The following GABARAPL1 variants were observed in gnomAD, a reference collection of about 807,000 sequenced individuals.
GABARAPL1 encodes GABA type A receptor associated protein like 1, also known as gamma-aminobutyric acid receptor-associated protein-like 1.
A neutral mutation model predicts 14.5 loss-of-function variants in GABARAPL1; 4 were observed. That is an observed-to-expected ratio of 0.28 (90% CI 0.14 to 0.63). The LOEUF (loss-of-function observed/expected upper bound fraction) is 0.63. Among genes scored for constraint, GABARAPL1 ranks in the 30% least tolerant of loss-of-function variants. The pLI is 0.84. For missense variants in GABARAPL1, 82 were observed against 139.2 expected (o/e 0.59, Z 2.07); for synonymous variants, 47 against 50.6 (o/e 0.93, Z 0.30).
At chr12:10,213,306 A>G in intron 1 of GABARAPL1, 87 bp downstream of exon 1, 1 of 819,486 alleles carries the variant, frequency 1.2e-6, no homozygotes, top group East Asian at 2.7e-5. Flanking sequence ...TGGGGCGCCC[A>G]GGCGGCTCTG....
Position 10,222,482 on chromosome 12 carries a change from G to A in GABARAPL1, c.*630G>A, listed in dbSNP as rs866609100. 2.6e-5 allele frequency: 4 copies of A among 153,144 alleles called. No homozygotes were observed. The highest frequency in any genetic ancestry group is 9.7e-5 in the African/African-American group (4 of 41,424). The allele number at this position is 153,144 out of a possible 1,614,324, so 9.5% of individuals were successfully genotyped here. ...GGGATCTCTTACCTTTGGAAAATAGGGGTTAGGCATGAAGGTGGTTGTGAT... is the reference window on the plus strand; with the variant it reads ...GGGATCTCTTACCTTTGGAAAATAGAGGTTAGGCATGAAGGTGGTTGTGAT... On this transcript the variant is annotated 3_prime_UTR_variant, in exon 4 of 4. Transcript: ENST00000266458.
At chr12:10,213,787 A>G (rs1949072148) in intron 1 of GABARAPL1, 1 of 454,618 alleles carries the variant, frequency 2.2e-6, no homozygotes, top group African/African-American at 2.0e-5. Flanking sequence ...TGGCCTGGAA[A>G]ACAAGGTCAC....
chr12:10,213,620 G>C (rs1376162649), intron 1 of GABARAPL1: 8 of 345,712 alleles, frequency 2.3e-5, no homozygotes, highest in Non-Finnish European at 5.7e-6. Flanking sequence ...GCTGTGCGGT[G>C]AGGTTTGCGC....
intron 2 of GABARAPL1, 64 bp from the exon 3 acceptor site, chr12:10,220,376 A>T: frequency 3.1e-6 from 5 of 1,605,116 alleles, no homozygotes; most frequent in Non-Finnish European, 4.3e-6. Flanking sequence ...TCCAGGACTT[A>T]CCCTTCTACT....
At chr12:10,213,897 T>G (rs975203149) in intron 1 of GABARAPL1, 5 of 455,802 alleles carry the variant, frequency 1.1e-5, no homozygotes, top group African/African-American at 1.0e-4. Context: ...ACCTGGTACC[T>G]GGTCGCGATA....
chr12:10,220,386 T>A (rs1949113663), intron 2 of GABARAPL1, 54 bp from the exon 3 acceptor site: 1 of 1,609,616 alleles, frequency 6.2e-7, no homozygotes, highest in East Asian at 2.2e-5. Context: ...ACCCTTCTAC[T>A]AATTCCTTGT....
In GABARAPL1 at chr12:10,215,049, G is replaced by A. The variant is rs1456527873; in HGVS notation, c.90+1830G>A. Among the ~76,000 whole-genome samples the A allele has an allele frequency of 2.0e-5, 3 of 152,180 alleles. No homozygotes were observed. The South Asian group carries it at 6.2e-4, about 32-fold the overall frequency. Reference sequence around the variant, plus strand: ...GTTATGTTTTAACCAGTGGTGAGCTGCTCCCAAGGTGACCAGTCTGTGACC... The same window carrying A: ...GTTATGTTTTAACCAGTGGTGAGCTACTCCCAAGGTGACCAGTCTGTGACC... On this transcript the variant is annotated intron_variant, in intron 1 of 3. Coordinates refer to ENST00000266458, the MANE Select transcript of GABARAPL1 (RefSeq NM_031412.4).
intron 2 of GABARAPL1, among the ~76,000 whole-genome samples, chr12:10,218,638 C>CA (rs1161832684): frequency 6.6e-6 from 1 of 152,046 alleles, no homozygotes; most frequent in Non-Finnish European, 1.5e-5. Flanking sequence ...CACAGCAAAG[C>CA]ATAAGACATT....
At chr12:10,217,001 G>T (rs1435245596) in intron 1 of GABARAPL1, among the ~76,000 whole-genome samples, 1 of 151,976 alleles carries the variant, frequency 6.6e-6, no homozygotes, top group Non-Finnish European at 1.5e-5. Context: ...AGTATATAAC[G>T]TAGACATAAA....
intron 1 of GABARAPL1, chr12:10,214,438 T>A (rs956881358): frequency 1.3e-5 from 2 of 152,368 alleles, no homozygotes; most frequent in Admixed American, 1.3e-4. Context: ...TTTCAGCTTA[T>A]AGAGGGGTGA....
At chr12:10,215,353 G>A (rs1393327374) in intron 1 of GABARAPL1, among the ~76,000 whole-genome samples, 1 of 152,158 alleles carries the variant, frequency 6.6e-6, no homozygotes, top group Non-Finnish European at 1.5e-5. Flanking sequence ...AGAGAGGAAG[G>A]GTTGGTGGGA....
Position 10,213,008 on chromosome 12 carries a change from C to T in GABARAPL1, c.-122C>T, listed in dbSNP as rs1949066050. 3.0e-6 allele frequency: 2 copies of T among 660,912 alleles called. No individual in the cohort carries two copies. Among genetic ancestry groups the T allele is most frequent in the East Asian group, 2.8e-5 (1 of 36,340 alleles). 40.9% of individuals were successfully genotyped at this position (660,912 alleles called of 1,614,324 possible). ...CACACTCGGCCCAGCGCTGTTGCCCCCGGAGCGGACGTTTCTGCAGCTATT... is the reference window on the plus strand; with the variant it reads ...CACACTCGGCCCAGCGCTGTTGCCCTCGGAGCGGACGTTTCTGCAGCTATT... On this transcript the variant is annotated 5_prime_UTR_variant, in exon 1 of 4. Coordinates refer to ENST00000266458, the MANE Select transcript of GABARAPL1 (RefSeq NM_031412.4).
At chr12:10,213,263 G>T in intron 1 of GABARAPL1, 44 bp downstream of exon 1, 1 of 1,215,650 alleles carries the variant, frequency 8.2e-7, no homozygotes, top group South Asian at 1.3e-5. Context: ...AAGGGCCCGC[G>T]GGGGCGGGGG....
chr12:10,220,510 C>G lies in GABARAPL1; in HGVS notation c.240C>G (p.Val80=). The change falls in exon 3 of 4, where the codon GTC becomes GTG. Residue 80 remains valine (V), a synonymous_variant. Coordinates refer to ENST00000266458, the MANE Select transcript of GABARAPL1 (RefSeq NM_031412.4). ...CTGAGGACGCCTTATTCTTCTTTGT[C>G]AACAACACCATCCCTCCCACCAGTG... The part of the protein sequence containing the change: ...LRPEDALFFF[V]NNTIPPTSAT... The G allele has an allele frequency of 6.2e-7, 1 of 1,613,938 alleles. No homozygotes were observed. The highest frequency in any genetic ancestry group is 2.2e-5 in the East Asian group (1 of 44,882).
chr12:10,219,334 A>C (rs1380344990), intron 2 of GABARAPL1, among the ~76,000 whole-genome samples: 1 of 43,796 alleles, frequency 2.3e-5, no homozygotes, highest in Non-Finnish European at 8.2e-5. Flanking sequence ...AACAAAAAAC[A>C]AAAAAAAAAA....
At chr12:10,221,647 T>C (rs1949120753) in intron 3 of GABARAPL1, 140 bp from the exon 4 acceptor site, 1 of 1,029,466 alleles carries the variant, frequency 9.7e-7, no homozygotes, top group South Asian at 1.6e-5. Flanking sequence ...TCCAACCACT[T>C]CTCCCTATCC....
At chr12:10,218,991 C>T (rs111759788) in intron 2 of GABARAPL1, among the ~76,000 whole-genome samples, 3,843 of 151,778 alleles carry the variant, frequency 0.025, 161 homozygotes, top group African/African-American at 0.087. Flanking sequence ...GGATTACAGG[C>T]GTGAGCCACC....
intron 1 of GABARAPL1, among the ~76,000 whole-genome samples, chr12:10,216,639 A>ATGCGATTCTCCTGCCTCAGCCTTCCTGAG (rs1949091753): frequency 6.7e-6 from 1 of 148,212 alleles, no homozygotes; most frequent in Non-Finnish European, 1.5e-5. Context: ...TCCCAGGTTC[A>ATGCGATTCTCCTGCCTCAGCCTTCCTGAG]TGCGATTCTC....
chr12:10,214,009 A>G (rs561196381), intron 1 of GABARAPL1: 2 of 361,346 alleles, frequency 5.5e-6, no homozygotes, highest in South Asian at 1.9e-5. Context: ...GGTATCTTTC[A>G]GCATCCGGGC....
Sources: allele counts gnomAD v4.1 joint callset (sites outside exome capture counted in the v4.1 genomes callset), GRCh38; gene constraint gnomAD v4.1.1; transcripts MANE v1.5; gene names NCBI Gene and HGNC (gene_info 2026-07-23, HGNC 2026-07-21).